The following PRPF4 variants were observed in gnomAD, a reference collection of about 807,000 sequenced individuals.
PRPF4 encodes the protein pre-mRNA splicing tri-snRNP complex factor PRPF4, also known as U4/U6 small nuclear ribonucleoprotein Prp4.
In PRPF4, 14 loss-of-function variants were observed where a neutral mutation model predicts 72.2. That is an observed-to-expected ratio of 0.19 (90% CI 0.13 to 0.30). The LOEUF (loss-of-function observed/expected upper bound fraction) is 0.30, where lower values mean the gene tolerates loss of function less well. Ranked by LOEUF, PRPF4 falls within the 10% of genes least tolerant of loss-of-function variation. PRPF4 has a pLI of 1.00. For missense variants in PRPF4, 478 were observed against 653.9 expected (o/e 0.73, Z 2.93); for synonymous variants, 225 against 232.2 (o/e 0.97, Z 0.28).
chr9:113,282,572 T>C, intron 3 of PRPF4, 74 bp from the exon 4 acceptor site: 1 of 1,166,336 alleles, frequency 8.6e-7, no homozygotes, highest in South Asian at 1.4e-5. Context: ...TTTAAAACTG[T>C]GTTAAAGTGT....
chr9:113,286,935 G>A, intron 9 of PRPF4, 107 bp downstream of exon 9: 1 of 1,508,142 alleles, frequency 6.6e-7, no homozygotes, highest in Non-Finnish European at 9.1e-7. Context: ...CATGCGCAGT[G>A]GCTCACACCT....
At chr9:113,276,872 T>C in intron 2 of PRPF4, 147 bp downstream of exon 2, 1 of 910,808 alleles carries the variant, frequency 1.1e-6, no homozygotes, top group Non-Finnish European at 1.6e-6. Context: ...TGGAGTGCAG[T>C]GGTGCGATCT....
chr9:113,281,491 C>T (rs1006232426), intron 3 of PRPF4, among the ~76,000 whole-genome samples: 2 of 152,178 alleles, frequency 1.3e-5, no homozygotes, highest in Admixed American at 6.5e-5. Context: ...TTATTCTTCC[C>T]TTTTAATCCA....
chr9:113,275,863 G>A (rs1832074769), intron 1 of PRPF4, 93 bp downstream of exon 1: 1 of 1,528,672 alleles, frequency 6.5e-7, no homozygotes, highest in Non-Finnish European at 8.9e-7. Context: ...GCGGGAGAAG[G>A]CGGTGGAGGG....
chr9:113,288,136 A>G (rs768322359), intron 9 of PRPF4, 39 bp from the exon 10 acceptor site: 88 of 1,591,024 alleles, frequency 5.5e-5, no homozygotes, highest in Middle Eastern at 1.7e-4. Context: ...GACTATTTAT[A>G]TGTCTATAAA....
chr9:113,281,866 G>A (rs1404028252), intron 3 of PRPF4, among the ~76,000 whole-genome samples: 1 of 152,108 alleles, frequency 6.6e-6, no homozygotes, highest in Non-Finnish European at 1.5e-5. Flanking sequence ...TACTGCTATA[G>A]TGATAGGTAA....
intron 11 of PRPF4, 40 bp downstream of exon 11, chr9:113,290,628 C>CT (rs759643189): frequency 1.2e-6 from 2 of 1,614,112 alleles, no homozygotes; most frequent in Middle Eastern, 1.6e-4. Context: ...GTTCAGTACT[C>CT]TCACCTCTTA....
Position 113,275,684 on chromosome 9 carries a change from T to TG in PRPF4, c.-58dup. On this transcript the variant is annotated 5_prime_UTR_variant, in exon 1 of 14. Transcript: ENST00000374198. ...CACTTCCCCTCTGCTGGGCGCGCGG[T>TG]GGACGGTCTGAAAGGGAGTGTTCGG... The TG allele has an allele frequency of 6.4e-7, 1 of 1,573,276 alleles. No homozygotes were observed. Among genetic ancestry groups the TG allele is most frequent in the Non-Finnish European group, 8.6e-7 (1 of 1,158,944 alleles).
chr9:113,289,590 T>G (rs755250247), intron 10 of PRPF4, among the ~76,000 whole-genome samples: 4 of 152,230 alleles, frequency 2.6e-5, no homozygotes, highest in South Asian at 2.1e-4. Context: ...TGTCATATGC[T>G]TTGCCTGGTT....
intron 3 of PRPF4, among the ~76,000 whole-genome samples, chr9:113,280,058 A>G (rs965445406): frequency 6.6e-6 from 1 of 151,968 alleles, no homozygotes; most frequent in African/African-American, 2.4e-5. Flanking sequence ...TTACTCTTCA[A>G]CCTGCTGCAA....
chr9:113,287,610 T>C (rs1832487974), intron 9 of PRPF4, among the ~76,000 whole-genome samples: 2 of 152,256 alleles, frequency 1.3e-5, no homozygotes, highest in South Asian at 4.1e-4. Context: ...AGCTAATTAA[T>C]GTCTTCACTC....
At chr9:113,280,381 A>G (rs1441093681) in intron 3 of PRPF4, among the ~76,000 whole-genome samples, 2 of 152,140 alleles carry the variant, frequency 1.3e-5, no homozygotes, top group African/African-American at 4.8e-5. Flanking sequence ...ATGATTCCCA[A>G]ATCTCTCACT....
rs548471755 is a variant in PRPF4 at position 113,290,749 on chromosome 9, A to G, written c.1195A>G (p.Ile399Val). 6.2e-7 allele frequency: 1 copy of G among 1,614,224 alleles called. No homozygotes were observed. Among genetic ancestry groups the G allele is most frequent in the South Asian group, 1.1e-5 (1 of 91,086 alleles). Residue 399 changes from isoleucine (I) to valine (V), a missense_variant, in exon 12 of 14, where the codon ATC (isoleucine) becomes GTC (valine). Physicochemically the swap from Ile to Val is conservative, Grantham distance 29. Transcript: ENST00000374198. ...TTGGGACCTACGCACAGGACGTTGTATCATGTTCTTAGAAGGCCACCTGAA... is the reference window on the plus strand; with the variant it reads ...TTGGGACCTACGCACAGGACGTTGTGTCATGTTCTTAGAAGGCCACCTGAA... The part of the protein sequence containing the change: ...RVWDLRTGRC[I>V]MFLEGHLKEI...
Position 113,277,386 on chromosome 9 carries a change from T to G in PRPF4, c.205+661T>G, listed in dbSNP as rs190051096. On this transcript the variant is annotated intron_variant, in intron 2 of 13. Coordinates refer to ENST00000374198, the MANE Select transcript of PRPF4 (RefSeq NM_001244926.2). ...ATTTTTTACCCAAAGTGAAATCTTT[T>G]TGTGTGTGTGTGTGTGTGTGACAGG... Among the ~76,000 whole-genome samples the G allele has an allele frequency of 3.4e-4, 51 of 150,090 alleles. 1 individual carries two copies. The highest frequency in any genetic ancestry group is 1.6e-3 in the Admixed American group (24 of 15,064).
intron 10 of PRPF4, among the ~76,000 whole-genome samples, chr9:113,290,129 A>G (rs1452140875): frequency 6.6e-6 from 1 of 152,076 alleles, no homozygotes; most frequent in East Asian, 1.9e-4. Flanking sequence ...CTGAGGCAGG[A>G]GAATGGCTTG....
intron 2 of PRPF4, 64 bp from the exon 3 acceptor site, chr9:113,278,881 A>G (rs1832190633): frequency 6.5e-7 from 1 of 1,528,498 alleles, no homozygotes; most frequent in Non-Finnish European, 9.1e-7. Context: ...GACTGCAATT[A>G]CTAGAAATTA....
chr9:113,286,249 T>G lies in PRPF4; in HGVS notation c.767T>G (p.Leu256Arg). 6.2e-7 allele frequency: 1 copy of G among 1,614,144 alleles called. No homozygotes were observed. Among genetic ancestry groups the G allele is most frequent in the Non-Finnish European group, 8.5e-7 (1 of 1,179,996 alleles). Residue 256 changes from leucine (L) to arginine (R), a missense_variant, in exon 8 of 14, where the codon CTC becomes CGC. Coordinates refer to ENST00000374198, the MANE Select transcript of PRPF4 (RefSeq NM_001244926.2). ...ATACWSGLCK[L>R]WSVPDCNLLH... Reference sequence around the variant, plus strand: ...TTTGATAGGAGTGGGCTTTGCAAGCTCTGGTCTGTTCCTGATTGCAACCTC... The same window carrying G: ...TTTGATAGGAGTGGGCTTTGCAAGCGCTGGTCTGTTCCTGATTGCAACCTC...
At position 113,283,277 on chromosome 9, in the gene PRPF4, G is replaced by A. The variant is rs1318435762; in HGVS notation, c.560+66G>A. 4 of 1,613,718 alleles carry A rather than the reference G, an allele frequency of 2.5e-6. No homozygotes were observed. In the Admixed American group the frequency reaches 5.0e-5, roughly 20 times the overall value. ...GTGTGTGTTTCCTCTCAGGAACTGA[G>A]TGCTGGATAATGACTATGGTTGTTA... On this transcript the variant is annotated intron_variant, in intron 5 of 13. Coordinates refer to ENST00000374198, the MANE Select transcript of PRPF4 (RefSeq NM_001244926.2).
intron 3 of PRPF4, among the ~76,000 whole-genome samples, chr9:113,280,463 A>G (rs1332113979): frequency 3.3e-5 from 5 of 152,146 alleles, no homozygotes; most frequent in African/African-American, 1.2e-4. Flanking sequence ...CCTCTCTCCT[A>G]TACTCATACA....
Sources: gnomAD v4.1 joint callset for allele counts (sites outside exome capture counted in the v4.1 genomes callset) on GRCh38, gnomAD v4.1.1 for gene constraint, MANE v1.5 for transcripts, NCBI Gene and HGNC (gene_info 2026-07-23, HGNC 2026-07-21) for gene names.